Variants in HDLBP observed in about 807,000 individuals in gnomAD.
HDLBP encodes the protein high density lipoprotein binding protein.
HDLBP carries 30 observed loss-of-function variants against 137.3 expected under a neutral mutation model. That is an observed-to-expected ratio of 0.22 (90% CI 0.16 to 0.30). The LOEUF (loss-of-function observed/expected upper bound fraction) is 0.30. Ranked by LOEUF, HDLBP falls within the 10% of genes least tolerant of loss-of-function variation. The pLI is 1.00. For missense variants in HDLBP, 1,119 were observed against 1,667.3 expected, an observed-to-expected ratio of 0.67 and a Z score of 5.73; for synonymous variants, 606 against 596.0, an observed-to-expected ratio of 1.02 and a Z score of -0.24.
intron 1 of HDLBP, chr2:241,268,869 C>T (rs1200116617): frequency 2.6e-5 from 4 of 152,228 alleles, no homozygotes; most frequent in African/African-American, 4.8e-5. Context: ...TGGTGCTCTC[C>T]TGCATGGCTG....
At chr2:241,307,130 T>C (rs2075609657) in intron 1 of HDLBP, among the ~76,000 whole-genome samples, 1 of 152,070 alleles carries the variant, frequency 6.6e-6, no homozygotes, top group African/African-American at 2.4e-5. Flanking sequence ...ATCTCAACTC[T>C]TTGTTGAGTC....
chr2:241,272,563 C>T lies in HDLBP; in HGVS notation c.-102-4022G>A. 2.0e-6 allele frequency: 2 copies of T among 984,482 alleles called. No individual in the cohort carries two copies. Among genetic ancestry groups the T allele is most frequent in the Non-Finnish European group, 2.4e-6 (2 of 829,590 alleles). 61.0% of individuals were successfully genotyped at this position (984,482 alleles called of 1,614,324 possible). On this transcript the variant is annotated intron_variant, in intron 1 of 27. Transcript: ENST00000310931. The surrounding 1 kb of genome is among the most constrained non-coding windows in gnomAD (Gnocchi z 5.6). The stretch of plus-strand genomic sequence containing the variant: ...CTCGGAGCCGGCCCCAGGTCTGGCC[C>T]GGAACCGCCACGCGCGGTAAGCAGG...
chr2:241,252,178 G>A (rs531883565), intron 11 of HDLBP, among the ~76,000 whole-genome samples: 1 of 152,032 alleles, frequency 6.6e-6, no homozygotes, highest in Non-Finnish European at 1.5e-5. Flanking sequence ...GGCATATAGC[G>A]ACCTTGGCTG....
intron 3 of HDLBP, among the ~76,000 whole-genome samples, chr2:241,264,848 C>A (rs1035647891): frequency 6.6e-6 from 1 of 152,140 alleles, no homozygotes; most frequent in African/African-American, 2.4e-5. Flanking sequence ...GACAGCGAAC[C>A]TACCCCCATC....
At position 241,248,983 on chromosome 2, in the gene HDLBP, G is replaced by C. The variant is rs112550065; in HGVS notation, c.1513-635C>G. On this transcript the variant is annotated intron_variant, in intron 12 of 27. Transcript: ENST00000310931. ...TGGATCAAACGGCTATTGGCTGACA[G>C]AGAAGTAAGGGCTCAGCAATCAGGA... 4.1e-3 allele frequency among the ~76,000 whole-genome samples: 619 copies of C among 152,236 alleles called. 8 individuals carry two copies. Among genetic ancestry groups the C allele is most frequent in the African/African-American group, 0.014 (576 of 41,542 alleles).
intron 1 of HDLBP, among the ~76,000 whole-genome samples, chr2:241,292,540 T>A (rs1009700635): frequency 6.6e-6 from 1 of 152,184 alleles, no homozygotes; most frequent in Non-Finnish European, 1.5e-5. Context: ...TATTAGATAA[T>A]ATTAATGAGC....
chr2:241,227,815 C>T lies in HDLBP; in HGVS notation c.*1786G>A, dbSNP rs1019574750. The stretch of plus-strand genomic sequence containing the variant: ...ACTCATGCAGATGGGGAAGAGGTGA[C>T]AGCCCTTCCCCACTGGCCTCCCCCG... On this transcript the variant is annotated 3_prime_UTR_variant, in exon 28 of 28. Coordinates refer to ENST00000310931, the MANE Select transcript of HDLBP (RefSeq NM_005336.6). 6.6e-6 allele frequency: 1 copy of T among 151,052 alleles called. No homozygotes were observed. The highest frequency in any genetic ancestry group is 2.5e-5 in the African/African-American group (1 of 40,116). The allele number at this position is 151,052 out of a possible 1,614,324, so 9.4% of individuals were successfully genotyped here.
intron 12 of HDLBP, chr2:241,249,542 CA>C (rs1438177783): frequency 1.8e-6 from 1 of 556,116 alleles, no homozygotes; most frequent in African/African-American, 1.9e-5. Flanking sequence ...ATGTCTGTCA[CA>C]ATCTCTGGAG....
chr2:241,267,051 A>G (rs1456870953), intron 2 of HDLBP, 145 bp from the exon 3 acceptor site: 10 of 645,000 alleles, frequency 1.6e-5, no homozygotes, highest in Non-Finnish European at 2.7e-5. Flanking sequence ...CTCTGATGTA[A>G]GCTGATACCC....
chr2:241,249,373 C>T, intron 12 of HDLBP: 1 of 472,052 alleles, frequency 2.1e-6, no homozygotes, highest in South Asian at 1.5e-5. Context: ...CAAGGGTGCT[C>T]ACAGCTTGGC....
At chr2:241,297,638 T>C (rs1404872055) in intron 1 of HDLBP, among the ~76,000 whole-genome samples, 1 of 151,894 alleles carries the variant, frequency 6.6e-6, no homozygotes, top group African/African-American at 2.4e-5. Flanking sequence ...CCAACTGCCA[T>C]AAAAGGGAAG....
intron 20 of HDLBP, among the ~76,000 whole-genome samples, chr2:241,237,196 C>T (rs1364148268): frequency 6.6e-6 from 1 of 152,164 alleles, no homozygotes; most frequent in East Asian, 1.9e-4. Context: ...GGCCAGCACG[C>T]AGCCCCACCC....
intron 3 of HDLBP, among the ~76,000 whole-genome samples, chr2:241,264,947 G>A (rs1050307057): frequency 3.3e-5 from 5 of 152,158 alleles, no homozygotes; most frequent in Admixed American, 2.0e-4. Context: ...GCCTTGCTAC[G>A]TCAATTTTTA....
chr2:241,298,134 A>G (rs2075256629), intron 1 of HDLBP, among the ~76,000 whole-genome samples: 1 of 148,434 alleles, frequency 6.7e-6, no homozygotes, highest in South Asian at 2.2e-4. Context: ...GGGAGGCAGA[A>G]GCAGGAGGCT....
rs1175805685 is a variant in HDLBP, at chr2:241,279,995, C to T, written c.-102-11454G>A. On this transcript the variant is annotated intron_variant, in intron 1 of 27. Transcript: ENST00000310931. ...ATGCTGAAGGGGTTAGGAGGAGCAG[C>T]GGACCAGGGGTCATCTCCAAGGCTG... is the stretch of plus-strand genomic sequence containing the variant. 18 of 985,226 alleles carry T rather than the reference C, an allele frequency of 1.8e-5. No individual in the cohort carries two copies. In the Admixed American group the frequency reaches 6.8e-4, roughly 37 times the overall value. The allele number at this position is 985,226 out of a possible 1,614,324, so 61.0% of individuals were successfully genotyped here. A position where few individuals can be genotyped will look rare whatever the true frequency, so the allele number is the denominator to read the frequency against.
chr2:241,248,295 G>C lies in HDLBP; in HGVS notation c.1566C>G (p.Ile522Met), dbSNP rs775858829. Residue 522 changes from isoleucine (I) to methionine (M), a missense_variant, in exon 13 of 28, where the codon ATC becomes ATG. By Grantham distance (10) the Ile-to-Met change is conservative. Coordinates refer to ENST00000310931, the MANE Select transcript of HDLBP (RefSeq NM_005336.6). ...LIIEQRFHRT[I>M]IGQKGERIRE... is the part of the protein sequence containing the mutation. ...GGATCCGTTCACCCTTCTGCCCAAT[G>C]ATTGTGCGATGAAATCTTTGCTCAA... 4 of 1,613,998 alleles carry C rather than the reference G, an allele frequency of 2.5e-6. No individual in the cohort carries two copies. In the East Asian group the frequency reaches 8.9e-5, roughly 36 times the overall value.
At chr2:241,311,063 A>G (rs113320549) in intron 1 of HDLBP, among the ~76,000 whole-genome samples, 19 of 152,154 alleles carry the variant, frequency 1.2e-4, no homozygotes, top group Non-Finnish European at 2.5e-4. Context: ...GCAGTGAGCT[A>G]TGACAGCGCC....
intron 1 of HDLBP, among the ~76,000 whole-genome samples, chr2:241,287,356 G>C (rs1035431896): frequency 6.6e-6 from 1 of 151,456 alleles, no homozygotes; most frequent in Non-Finnish European, 1.5e-5. Context: ...TGATCCACCC[G>C]CCTGTCTCCC....
intron 5 of HDLBP, among the ~76,000 whole-genome samples, chr2:241,259,295 C>T (rs1178236879): frequency 6.6e-6 from 1 of 152,202 alleles, no homozygotes; most frequent in Non-Finnish European, 1.5e-5. Context: ...GAATGGCCGC[C>T]TGCAAAGGTG....
Sources: gnomAD v4.1 joint callset for allele counts (sites outside exome capture counted in the v4.1 genomes callset) on GRCh38, gnomAD v4.1.1 for gene constraint, Gnocchi (gnomAD v3.1) non-coding constraint, MANE v1.5 for transcripts, NCBI Gene and HGNC (gene_info 2026-07-23, HGNC 2026-07-21) for gene names.